The following KIAA0825 variants were observed in gnomAD, a reference collection of about 807,000 sequenced individuals.
KIAA0825 encodes uncharacterized protein KIAA0825.
KIAA0825 carries 119 observed loss-of-function variants against 147.6 expected under a neutral mutation model. That is an observed-to-expected ratio of 0.81 (90% confidence interval 0.69 to 0.94). The LOEUF (loss-of-function observed/expected upper bound fraction) is 0.94, where lower values mean the gene tolerates loss of function less well. KIAA0825 is among the 40% of genes least tolerant of loss of function. The pLI is 0.00. For synonymous variants in KIAA0825, 470 were observed against 518.1 expected, an observed-to-expected ratio of 0.91 and a Z score of 1.26; for missense variants, 1,381 against 1,472.7, an observed-to-expected ratio of 0.94 and a Z score of 1.02.
At position 94,237,043 on chromosome 5, in the gene KIAA0825, A is replaced by ATGTGTGTGTG. The variant is rs36021428; in HGVS notation, c.3711-82929_3711-82920dup. ...TCTGAAGTATGCCTAAATAGGCTAT[A>ATGTGTGTGTG]TGTGTGTGTGTGTGTGTGTGTGTGT... is the stretch of plus-strand genomic sequence containing the variant. On this transcript the variant is annotated intron_variant, in intron 20 of 20. Coordinates refer to ENST00000682413, the MANE Select transcript of KIAA0825 (RefSeq NM_001145678.3). Among the ~76,000 whole-genome samples the ATGTGTGTGTG allele has an allele frequency of 6.5e-4, 96 of 147,580 alleles. No homozygotes were observed. The South Asian group carries it at 0.02, about 30-fold the overall frequency.
intron 20 of KIAA0825, among the ~76,000 whole-genome samples, chr5:94,310,967 T>C (rs573149714): frequency 2.0e-5 from 3 of 151,826 alleles, no homozygotes; most frequent in African/African-American, 7.2e-5. Context: ...CATGTATTTA[T>C]ACCAAAAGTA....
intron 1 of KIAA0825, among the ~76,000 whole-genome samples, chr5:94,613,488 T>G (rs561301520): frequency 6.6e-6 from 1 of 152,206 alleles, no homozygotes; most frequent in African/African-American, 2.4e-5. Context: ...CATGAGTCAC[T>G]GCGCCGGCCA....
chr5:94,544,734 T>C (rs1481946045), intron 2 of KIAA0825, among the ~76,000 whole-genome samples: 1 of 152,216 alleles, frequency 6.6e-6, no homozygotes, highest in Non-Finnish European at 1.5e-5. Context: ...AAGGCAAATA[T>C]GCAAAAAATT....
At chr5:94,219,162 C>T (rs1462532678) in intron 20 of KIAA0825, among the ~76,000 whole-genome samples, 1 of 152,030 alleles carries the variant, frequency 6.6e-6, no homozygotes, top group African/African-American at 2.4e-5. Flanking sequence ...ATTATTATTA[C>T]ATTGTAATAT....
Position 94,408,348 on chromosome 5 carries a change from T to A in KIAA0825, c.2663-4555A>T, listed in dbSNP as rs553769396. 3.9e-5 allele frequency among the ~76,000 whole-genome samples: 6 copies of A among 152,190 alleles called. No individual in the cohort carries two copies. The South Asian group carries it at 1.2e-3, about 32-fold the overall frequency. ...TTTTAAATTTTATTTTATTTTATTT[T>A]ATTTATTTACTTATTTTTGAGACAG... On this transcript the variant is annotated intron_variant, in intron 15 of 20. Transcript: ENST00000682413.
chr5:94,317,695 G>C (rs1433086381), intron 20 of KIAA0825, among the ~76,000 whole-genome samples: 4 of 151,766 alleles, frequency 2.6e-5, no homozygotes, highest in Admixed American at 6.6e-5. Context: ...TATGAAACAG[G>C]GATCATAATA....
At chr5:94,384,883 C>A (rs1748935289) in intron 19 of KIAA0825, among the ~76,000 whole-genome samples, 1 of 152,118 alleles carries the variant, frequency 6.6e-6, no homozygotes, top group African/African-American at 2.4e-5. Context: ...TGCTAAGAAT[C>A]AAATTATAAG....
At chr5:94,420,538 T>G (rs1562480345) in intron 14 of KIAA0825, among the ~76,000 whole-genome samples, 1 of 152,172 alleles carries the variant, frequency 6.6e-6, no homozygotes, top group Non-Finnish European at 1.5e-5. Context: ...CATATAGCAT[T>G]CTACATTTTC....
chr5:94,153,702 G>T lies in KIAA0825; in HGVS notation c.*305C>A. The T allele has an allele frequency of 4.8e-6, 1 of 209,388 alleles. No individual in the cohort carries two copies. Among genetic ancestry groups the T allele is most frequent in the African/African-American group, 2.3e-5 (1 of 43,850 alleles). 13.0% of individuals were successfully genotyped at this position (209,388 alleles called of 1,614,324 possible). A position where few individuals can be genotyped will look rare whatever the true frequency, so the allele number is the denominator to read the frequency against. ...AAAAAATTTCTGAACATTTCTTCCT[G>T]TTGTCATAGATACTTCAAGACTGAA... On this transcript the variant is annotated 3_prime_UTR_variant, in exon 21 of 21. Transcript: ENST00000682413.
chr5:94,474,159 T>C (rs1584607244), intron 7 of KIAA0825, among the ~76,000 whole-genome samples: 1 of 152,140 alleles, frequency 6.6e-6, no homozygotes, highest in Non-Finnish European at 1.5e-5. Context: ...ATCTGCACTG[T>C]TCTATTGTGG....
Position 94,154,054 on chromosome 5 carries a change from A to C in KIAA0825, c.3781T>G (p.Cys1261Gly). Residue 1261 changes from cysteine to glycine, a missense_variant, in exon 21 of 21, where the codon TGC becomes GGC. Transcript: ENST00000682413. ...KAILEHLKQI[C>G]TPQNSSASDN... ...GAGGCAGAAGAGTTCTGTGGGGTGC[A>C]AATTTGTTTTAAGTGCTCCAGTATT... 1 of 1,551,684 alleles carries C rather than the reference A, an allele frequency of 6.4e-7. No homozygotes were observed. The highest frequency in any genetic ancestry group is 8.7e-7 in the Non-Finnish European group (1 of 1,146,956).
intron 20 of KIAA0825, among the ~76,000 whole-genome samples, chr5:94,192,788 C>T (rs1044641734): frequency 2.0e-5 from 3 of 152,136 alleles, no homozygotes; most frequent in Admixed American, 2.0e-4. Flanking sequence ...TCCTTCCCCT[C>T]AGGTACACTC....
intron 5 of KIAA0825, among the ~76,000 whole-genome samples, chr5:94,515,426 C>T (rs115211075): frequency 1.2e-3 from 189 of 152,202 alleles, no homozygotes; most frequent in Non-Finnish European, 2.2e-3. Flanking sequence ...GCTATTTTGA[C>T]TTTAAAGCCT....
chr5:94,189,143 G>A (rs920169589), intron 20 of KIAA0825, among the ~76,000 whole-genome samples: 7 of 152,096 alleles, frequency 4.6e-5, no homozygotes, highest in Admixed American at 6.5e-5. Flanking sequence ...AGTTGTAAGA[G>A]TTCTTTATAC....
rs190605554 is a variant in KIAA0825, at chr5:94,296,091, A to G, written c.3710+88277T>C. ...TGACTGGGGCTGCTGCCTTTCTTTC[A>G]GAGATTCCCTGCTCAGAGAGGAGGA... On this transcript the variant is annotated intron_variant, in intron 20 of 20. Coordinates refer to ENST00000682413, the MANE Select transcript of KIAA0825 (RefSeq NM_001145678.3). Among the ~76,000 whole-genome samples, 7 of 152,298 alleles carry G rather than the reference A, an allele frequency of 4.6e-5. No individual in the cohort carries two copies. The East Asian group carries it at 1.4e-3, about 29-fold the overall frequency.
intron 20 of KIAA0825, among the ~76,000 whole-genome samples, chr5:94,315,966 G>A (rs997249643): frequency 1.3e-5 from 2 of 151,568 alleles, no homozygotes; most frequent in African/African-American, 2.4e-5. Context: ...TTAATTTTGA[G>A]TTAAGCCAGT....
intron 11 of KIAA0825, among the ~76,000 whole-genome samples, chr5:94,464,040 T>G (rs1203638906): frequency 2.7e-5 from 3 of 112,082 alleles, no homozygotes; most frequent in Non-Finnish European, 5.1e-5. Flanking sequence ...TACAAGAACA[T>G]GATCAGGAAA....
At chr5:94,305,843 T>C (rs1025762486) in intron 20 of KIAA0825, among the ~76,000 whole-genome samples, 6 of 151,938 alleles carry the variant, frequency 3.9e-5, no homozygotes, top group Admixed American at 6.6e-5. Context: ...TCTGAAGATA[T>C]CAGGAGACTC....
chr5:94,243,321 C>A lies in KIAA0825; in HGVS notation c.3711-89197G>T, dbSNP rs185122054. 5.9e-5 allele frequency among the ~76,000 whole-genome samples: 9 copies of A among 152,274 alleles called. No individual in the cohort carries two copies. The East Asian group carries it at 1.7e-3, about 29-fold the overall frequency. ...AGGGGCTTAAAACTATACTTATGAT[C>A]CTGAATGGCAGGCCTTGCAGGGTAT... On this transcript the variant is annotated intron_variant, in intron 20 of 20. Transcript: ENST00000682413.
Sources: allele counts gnomAD v4.1 joint callset (sites outside exome capture counted in the v4.1 genomes callset), GRCh38; gene constraint gnomAD v4.1.1; transcripts MANE v1.5; gene names NCBI Gene and HGNC (gene_info 2026-07-23, HGNC 2026-07-21).